The following MTAP variants were observed in gnomAD, a reference collection of about 807,000 sequenced individuals.
The protein encoded by MTAP is S-methyl-5'-thioadenosine phosphorylase.
A neutral mutation model predicts 33.6 loss-of-function variants in MTAP; 33 were observed. The observed-to-expected ratio is 0.98, with a 90% CI of 0.74 to 1.31. MTAP has a LOEUF of 1.31. MTAP is among the 40% of genes most tolerant of loss of function. The pLI is 0.00. For synonymous variants in MTAP, 148 were observed against 125.7 expected (o/e 1.18, Z -1.19); for missense variants, 367 against 360.0 (o/e 1.02, Z -0.16).
At chr9:21,859,591 G>T (rs768525305) in intron 7 of MTAP, 166 bp downstream of exon 7, 7 of 676,916 alleles carry the variant, frequency 1.0e-5, no homozygotes, top group African/African-American at 1.9e-5. Context: ...GTGAAACTGA[G>T]TAGTCTTATT....
At chr9:21,916,975 G>C (rs1157508464) in intron 1 of MTAP, among the ~76,000 whole-genome samples, 1 of 152,140 alleles carries the variant, frequency 6.6e-6, no homozygotes, top group African/African-American at 2.4e-5. Flanking sequence ...AGAAGTCAAG[G>C]TGAAGAAAAA....
intron 4 of MTAP, among the ~76,000 whole-genome samples, chr9:21,823,409 A>T (rs1824699697): frequency 6.6e-6 from 1 of 152,152 alleles, no homozygotes; most frequent in Non-Finnish European, 1.5e-5. Context: ...TGGGTTGAAA[A>T]TTCTTTTCTT....
intron 5 of MTAP, among the ~76,000 whole-genome samples, chr9:21,851,684 G>A (rs144085130): frequency 0.028 from 4,219 of 152,272 alleles, 203 homozygotes; most frequent in African/African-American, 0.095. Flanking sequence ...TCCTGGGTGT[G>A]TCTGTGAGGG....
At chr9:21,853,693 A>T (rs939163538) in intron 5 of MTAP, among the ~76,000 whole-genome samples, 1 of 152,290 alleles carries the variant, frequency 6.6e-6, no homozygotes, top group South Asian at 2.1e-4. Context: ...CTTAGTGCAT[A>T]CAGTGTTTAC....
chr9:21,919,002 G>T (rs1818741032), intron 1 of MTAP, among the ~76,000 whole-genome samples: 1 of 152,174 alleles, frequency 6.6e-6, no homozygotes. Flanking sequence ...ACATAGGAAA[G>T]CATAGTTTGA....
intron 5 of MTAP, among the ~76,000 whole-genome samples, chr9:21,850,824 C>G (rs1825492124): frequency 6.6e-6 from 1 of 152,140 alleles, no homozygotes; most frequent in African/African-American, 2.4e-5. Context: ...ATTCAGTTAT[C>G]AAATGGAAAT....
chr9:21,812,637 AAG>A (rs2117987522), intron 1 of MTAP, among the ~76,000 whole-genome samples: 1 of 152,336 alleles, frequency 6.6e-6, no homozygotes, highest in South Asian at 2.1e-4. Context: ...GTCATTAAGA[AAG>A]AGTTTTCCTC....
chr9:21,914,244 C>A (rs1482213562), intron 1 of MTAP, among the ~76,000 whole-genome samples: 1 of 152,170 alleles, frequency 6.6e-6, no homozygotes, highest in Non-Finnish European at 1.5e-5. Context: ...GGATCTAGAA[C>A]TAGAAATATC....
chr9:21,802,816 C>A, intron 1 of MTAP, 35 bp downstream of exon 1: 1 of 1,611,632 alleles, frequency 6.2e-7, no homozygotes, highest in Non-Finnish European at 8.5e-7. Context: ...GCGGTTCGCC[C>A]TGCCGGATGC....
intron 1 of MTAP, among the ~76,000 whole-genome samples, chr9:21,804,191 T>C (rs1281248821): frequency 6.6e-6 from 1 of 152,224 alleles, no homozygotes; most frequent in Non-Finnish European, 1.5e-5. Context: ...TATTAAGTGG[T>C]AGTGCTTATA....
chr9:21,802,896 C>A (rs1298701016), intron 1 of MTAP, 115 bp downstream of exon 1: 2 of 1,485,828 alleles, frequency 1.3e-6, no homozygotes, highest in Non-Finnish European at 8.9e-7. Flanking sequence ...CCCTTGCCGC[C>A]GCGGGGAGGG....
At chr9:21,891,359 G>A (rs1818197643) in intron 1 of MTAP, among the ~76,000 whole-genome samples, 1 of 152,038 alleles carries the variant, frequency 6.6e-6, no homozygotes, top group Non-Finnish European at 1.5e-5. Context: ...AGATTCAGGA[G>A]AAAGGTGATA....
chr9:21,909,413 A>G (rs1818530849), intron 1 of MTAP, among the ~76,000 whole-genome samples: 1 of 152,142 alleles, frequency 6.6e-6, no homozygotes, highest in African/African-American at 2.4e-5. Flanking sequence ...ATAGAATTAA[A>G]TCTGTGTCAT....
chr9:21,889,871 G>C (rs1264863414), intron 1 of MTAP, among the ~76,000 whole-genome samples: 1 of 152,182 alleles, frequency 6.6e-6, no homozygotes, highest in Non-Finnish European at 1.5e-5. Flanking sequence ...TCTAATGCTG[G>C]TTGTGCTAGT....
intron 5 of MTAP, among the ~76,000 whole-genome samples, chr9:21,852,529 A>G (rs1825541083): frequency 6.9e-6 from 1 of 145,848 alleles, no homozygotes; most frequent in Non-Finnish European, 1.5e-5. Flanking sequence ...AAAAAAAATG[A>G]TGTAATGGAC....
intron 1 of MTAP, among the ~76,000 whole-genome samples, chr9:21,914,503 C>T (rs1818641309): frequency 6.6e-6 from 1 of 151,950 alleles, no homozygotes; most frequent in African/African-American, 2.4e-5. Flanking sequence ...AAGCTGGAAA[C>T]CATCATTCTC....
intron 1 of MTAP, among the ~76,000 whole-genome samples, chr9:21,813,079 T>C (rs1332143583): frequency 1.3e-5 from 2 of 152,180 alleles, no homozygotes; most frequent in Non-Finnish European, 1.5e-5. Flanking sequence ...TGACACAAAC[T>C]TAGAGACTCA....
At chr9:21,912,005 C>G (rs1587291769) in intron 1 of MTAP, among the ~76,000 whole-genome samples, 1 of 152,326 alleles carries the variant, frequency 6.6e-6, no homozygotes, top group East Asian at 1.9e-4. Context: ...ATAAACACCT[C>G]TACGCAAATA....
intron 4 of MTAP, among the ~76,000 whole-genome samples, chr9:21,829,505 A>C (rs1396142307): frequency 6.6e-6 from 1 of 150,834 alleles, no homozygotes; most frequent in Non-Finnish European, 1.5e-5. Context: ...GGCTCACTGC[A>C]AGTGTGAGCC....
Sources: allele counts gnomAD v4.1 joint callset (sites outside exome capture counted in the v4.1 genomes callset), GRCh38; gene constraint gnomAD v4.1.1; transcripts MANE v1.5; gene names NCBI Gene and HGNC (gene_info 2026-07-23, HGNC 2026-07-21).